Variants in MED13 observed in about 807,000 individuals in gnomAD.
MED13 encodes the protein mediator complex subunit 13.
A neutral mutation model predicts 225.2 loss-of-function variants in MED13; 23 were observed. The observed-to-expected ratio is 0.10, with a 90% CI of 0.07 to 0.14. MED13 has a LOEUF of 0.14. MED13 is among the 10% of genes least tolerant of loss of function. The pLI is 1.00. For synonymous variants in MED13, 942 were observed against 889.2 expected, an observed-to-expected ratio of 1.06 and a Z score of -1.06; for missense variants, 2,197 against 2,594.5, an observed-to-expected ratio of 0.85 and a Z score of 3.33.
intron 22 of MED13, 118 bp from the exon 23 acceptor site, chr17:61,961,208 A>T: frequency 1.1e-6 from 1 of 922,830 alleles, no homozygotes; most frequent in Non-Finnish European, 1.6e-6. Context: ...AGCTAAGCCA[A>T]AAATTGCACT....
At chr17:62,013,190 T>C (rs754371584) in intron 8 of MED13, among the ~76,000 whole-genome samples, 2 of 151,888 alleles carry the variant, frequency 1.3e-5, no homozygotes, top group African/African-American at 2.4e-5. Context: ...CAAAAGGACA[T>C]AGGAGAAATC....
intron 11 of MED13, among the ~76,000 whole-genome samples, chr17:61,990,808 T>C (rs915961754): frequency 6.6e-6 from 1 of 152,130 alleles, no homozygotes; most frequent in Non-Finnish European, 1.5e-5. Context: ...GTCAGACATA[T>C]TCAAAGTGGA....
intron 8 of MED13, among the ~76,000 whole-genome samples, chr17:62,021,394 C>T (rs542186065): frequency 2.0e-5 from 3 of 149,602 alleles, no homozygotes; most frequent in South Asian, 4.2e-4. Context: ...CCCTCCCGGA[C>T]GGGGCGGCTG....
At chr17:62,033,730 T>C (rs2080777599) in intron 5 of MED13, 57 bp downstream of exon 5, 2 of 1,517,272 alleles carry the variant, frequency 1.3e-6, no homozygotes, top group South Asian at 2.4e-5. Context: ...CAGCAAAATA[T>C]AACTAACACA....
chr17:62,049,477 A>C (rs2080934858), intron 3 of MED13, among the ~76,000 whole-genome samples: 1 of 152,184 alleles, frequency 6.6e-6, no homozygotes, highest in Non-Finnish European at 1.5e-5. Flanking sequence ...CAGGCATAAA[A>C]CAATCTATCA....
At chr17:62,039,659 T>C (rs1258689097) in intron 3 of MED13, among the ~76,000 whole-genome samples, 4 of 150,992 alleles carry the variant, frequency 2.6e-5, no homozygotes, top group Non-Finnish European at 4.4e-5. Flanking sequence ...TGGCGTGATC[T>C]TGGCTCACTG....
At chr17:62,058,221 T>A (rs533197025) in intron 2 of MED13, among the ~76,000 whole-genome samples, 3 of 151,418 alleles carry the variant, frequency 2.0e-5, no homozygotes, top group South Asian at 2.1e-4. Flanking sequence ...ATACAATTTT[T>A]AAAAAAAAGG....
At chr17:61,985,133 A>T (rs777788568) in intron 12 of MED13, 43 bp from the exon 13 acceptor site, 67 of 1,473,424 alleles carry the variant, frequency 4.5e-5, no homozygotes, top group Middle Eastern at 1.7e-4. Flanking sequence ...TTTACATCCA[A>T]TGTGATCTCA....
At chr17:62,045,641 T>C (rs2080891466) in intron 3 of MED13, among the ~76,000 whole-genome samples, 1 of 152,238 alleles carries the variant, frequency 6.6e-6, no homozygotes, top group South Asian at 2.1e-4. Flanking sequence ...TCAGTGGTAC[T>C]TACTACAACC....
At chr17:62,061,258 C>T (rs987664496) in intron 2 of MED13, among the ~76,000 whole-genome samples, 1 of 151,914 alleles carries the variant, frequency 6.6e-6, no homozygotes, top group African/African-American at 2.4e-5. Flanking sequence ...GGGGCTCACA[C>T]TTGTAATCCC....
intron 9 of MED13, among the ~76,000 whole-genome samples, chr17:62,008,218 C>T (rs1403801200): frequency 6.9e-6 from 1 of 145,664 alleles, no homozygotes; most frequent in Non-Finnish European, 1.5e-5. Flanking sequence ...ACTCAGGAGG[C>T]TGAGGCAGGA....
intron 11 of MED13, among the ~76,000 whole-genome samples, chr17:61,990,513 AAT>A (rs1367477540): frequency 2.0e-5 from 3 of 151,690 alleles, no homozygotes; most frequent in African/African-American, 4.8e-5. Context: ...TGTGACACAG[AAT>A]ATGAGTAAAA....
In MED13 at chr17:62,008,497, A is replaced by AT. The variant is rs2080475978; in HGVS notation, c.1967+2052dup. 2.6e-5 allele frequency among the ~76,000 whole-genome samples: 4 copies of AT among 152,154 alleles called. No homozygotes were observed. In the South Asian group the frequency reaches 8.3e-4, roughly 32 times the overall value. The stretch of plus-strand genomic sequence containing the variant: ...TTTTAAATGAGCAAGAATGAAACTC[A>AT]TTATTACACATTTCTTCTGAAGATA... On this transcript the variant is annotated intron_variant, in intron 9 of 29. Transcript: ENST00000397786.
intron 3 of MED13, among the ~76,000 whole-genome samples, chr17:62,044,085 T>C (rs1291181056): frequency 1.3e-5 from 2 of 152,124 alleles, no homozygotes; most frequent in Non-Finnish European, 2.9e-5. Flanking sequence ...TGGTTAATAA[T>C]ACATTTTCAG....
intron 8 of MED13, among the ~76,000 whole-genome samples, chr17:62,018,410 G>A (rs1205961496): frequency 6.6e-6 from 1 of 152,124 alleles, no homozygotes; most frequent in Non-Finnish European, 1.5e-5. Flanking sequence ...ACTACAGATT[G>A]TTTACACTGA....
chr17:61,976,282 A>T (rs561927396), intron 16 of MED13, among the ~76,000 whole-genome samples: 1 of 152,236 alleles, frequency 6.6e-6, no homozygotes, highest in Non-Finnish European at 1.5e-5. Context: ...ACATTATGGA[A>T]AGCGAAAAAA....
chr17:62,023,850 G>T lies in MED13; in HGVS notation c.1283+5691C>A, dbSNP rs564375804. Reference sequence around the variant, plus strand: ...TAAGCTAGATTTGTGGTGGGCAGAAGACCTAAAGTACAAAATGTAATACTA... The same window carrying T: ...TAAGCTAGATTTGTGGTGGGCAGAATACCTAAAGTACAAAATGTAATACTA... On this transcript the variant is annotated intron_variant, in intron 8 of 29. Transcript: ENST00000397786. Among the ~76,000 whole-genome samples, 4 of 152,208 alleles carry T rather than the reference G, an allele frequency of 2.6e-5. No homozygotes were observed. The East Asian group carries it at 7.7e-4, about 29-fold the overall frequency.
chr17:62,016,214 G>T (rs1603402988), intron 8 of MED13, among the ~76,000 whole-genome samples: 1 of 147,434 alleles, frequency 6.8e-6, no homozygotes, highest in African/African-American at 2.5e-5. Context: ...CCCAACGTAT[G>T]AATAATCCCT....
chr17:61,952,921 C>T (rs778813283), intron 27 of MED13, 44 bp downstream of exon 27: 9 of 1,589,892 alleles, frequency 5.7e-6, no homozygotes, highest in Non-Finnish European at 7.7e-6. Flanking sequence ...AGGCGTAAGC[C>T]ACTGCGCCCG....
Sources: gnomAD v4.1 joint callset for allele counts (sites outside exome capture counted in the v4.1 genomes callset) on GRCh38, gnomAD v4.1.1 for gene constraint, MANE v1.5 for transcripts, NCBI Gene and HGNC (gene_info 2026-07-23, HGNC 2026-07-21) for gene names.